GLRA3: variants seen among roughly 807,000 people sequenced by gnomAD.
GLRA3 encodes glycine receptor subunit alpha-3.
Under a neutral mutation model 60.4 loss-of-function variants are expected in GLRA3, and 44 were observed. That is an observed-to-expected ratio of 0.73 (90% CI 0.57 to 0.94). The LOEUF is 0.94. Among genes scored for constraint, GLRA3 ranks in the 40% least tolerant of loss-of-function variants. The probability of loss-of-function intolerance (pLI) is 0.00; values close to 1 mark genes in which losing one functional copy is unlikely to be tolerated. For synonymous variants in GLRA3, 223 were observed against 192.9 expected, an observed-to-expected ratio of 1.16 and a Z score of -1.29; for missense variants, 508 against 564.6, an observed-to-expected ratio of 0.90 and a Z score of 1.02.
At chr4:174,750,139 A>G (rs891930309) in intron 3 of GLRA3, among the ~76,000 whole-genome samples, 1 of 152,140 alleles carries the variant, frequency 6.6e-6, no homozygotes, top group African/African-American at 2.4e-5. Flanking sequence ...ATCCTAAGGA[A>G]GTGCTAGATT....
chr4:174,788,230 C>A (rs1387299233), intron 2 of GLRA3, among the ~76,000 whole-genome samples: 1 of 151,912 alleles, frequency 6.6e-6, no homozygotes, highest in African/African-American at 2.4e-5. Context: ...ATGTTACTTA[C>A]AACTATATTA....
At chr4:174,667,887 T>C (rs1462744424) in intron 7 of GLRA3, among the ~76,000 whole-genome samples, 2 of 152,112 alleles carry the variant, frequency 1.3e-5, no homozygotes, top group Non-Finnish European at 2.9e-5. Flanking sequence ...GATCCTGATA[T>C]GGTTTGGATC....
At chr4:174,793,453 T>TTTAG (rs1739441732) in intron 1 of GLRA3, among the ~76,000 whole-genome samples, 3 of 150,846 alleles carry the variant, frequency 2.0e-5, no homozygotes, top group African/African-American at 7.3e-5. Flanking sequence ...TATTTATTTA[T>TTTAG]TTATTTATTT....
chr4:174,651,406 T>A (rs1009992980), intron 9 of GLRA3, among the ~76,000 whole-genome samples: 6 of 152,198 alleles, frequency 3.9e-5, no homozygotes, highest in Non-Finnish European at 7.3e-5. Flanking sequence ...TCAGTTCTTT[T>A]AGGGTGAGAG....
intron 1 of GLRA3, among the ~76,000 whole-genome samples, chr4:174,813,637 T>C (rs1411041417): frequency 6.6e-6 from 1 of 152,244 alleles, no homozygotes; most frequent in African/African-American, 2.4e-5. Flanking sequence ...TATGCTGAAT[T>C]ATGAAATTAC....
intron 5 of GLRA3, among the ~76,000 whole-genome samples, chr4:174,687,590 T>G (rs980115453): frequency 6.6e-6 from 1 of 152,232 alleles, no homozygotes; most frequent in East Asian, 1.9e-4. Context: ...GAACTTGTCA[T>G]GTTAAGGGAA....
At chr4:174,749,701 G>C (rs1291926949) in intron 3 of GLRA3, among the ~76,000 whole-genome samples, 1 of 151,966 alleles carries the variant, frequency 6.6e-6, no homozygotes, top group Non-Finnish European at 1.5e-5. Flanking sequence ...CTCATATTAA[G>C]GCATGGTCAG....
intron 1 of GLRA3, among the ~76,000 whole-genome samples, chr4:174,820,503 A>T (rs115671178): frequency 0.016 from 2,407 of 152,274 alleles, 26 homozygotes; most frequent in Middle Eastern, 0.048. Context: ...TTTGAGCTAG[A>T]CAGAGAACTC....
intron 3 of GLRA3, among the ~76,000 whole-genome samples, chr4:174,749,177 G>C (rs377386095): frequency 7.9e-5 from 12 of 152,258 alleles, no homozygotes; most frequent in African/African-American, 2.9e-4. Flanking sequence ...GGAGCCAACT[G>C]TTCCAGTAGC....
At chr4:174,650,808 T>A (rs1417938868) in intron 9 of GLRA3, among the ~76,000 whole-genome samples, 1 of 152,188 alleles carries the variant, frequency 6.6e-6, no homozygotes, top group Non-Finnish European at 1.5e-5. Context: ...CTGAACCTCA[T>A]GACTCTCTTT....
chr4:174,781,509 A>G (rs1480903466), intron 2 of GLRA3, among the ~76,000 whole-genome samples: 20 of 139,554 alleles, frequency 1.4e-4, no homozygotes, highest in South Asian at 2.4e-4. Context: ...CCCTTCAAAA[A>G]ATTAATGAAT....
chr4:174,785,165 A>C lies in GLRA3; in HGVS notation c.199+3651T>G, dbSNP rs548224558. The stretch of plus-strand genomic sequence containing the variant: ...AAGAGGTGAGATTTTTTTAAAGTGT[A>C]CTTTTTAAAGAGAAATGACAAAACA... On this transcript the variant is annotated intron_variant, in intron 2 of 9. Transcript: ENST00000274093. 9.9e-5 allele frequency among the ~76,000 whole-genome samples: 15 copies of C among 152,264 alleles called. 1 individual carries two copies. The highest frequency in any genetic ancestry group is 2.9e-4 in the African/African-American group (12 of 41,578).
intron 1 of GLRA3, among the ~76,000 whole-genome samples, chr4:174,826,756 T>C (rs1421068609): frequency 2.0e-5 from 3 of 152,124 alleles, no homozygotes; most frequent in African/African-American, 7.2e-5. Flanking sequence ...CTTTCTTTTG[T>C]TTTCATCTTT....
At chr4:174,770,088 G>T (rs1738318002) in intron 2 of GLRA3, among the ~76,000 whole-genome samples, 1 of 152,074 alleles carries the variant, frequency 6.6e-6, no homozygotes, top group Admixed American at 6.6e-5. Flanking sequence ...TTGATTACTG[G>T]TTCATGATTT....
chr4:174,794,359 C>G (rs966011097), intron 1 of GLRA3, among the ~76,000 whole-genome samples: 1 of 152,106 alleles, frequency 6.6e-6, no homozygotes, highest in Non-Finnish European at 1.5e-5. Flanking sequence ...TTAAGTGCCA[C>G]GTGATGCTTG....
intron 5 of GLRA3, among the ~76,000 whole-genome samples, chr4:174,697,762 CAAT>C (rs148298212): frequency 0.16 from 24,981 of 152,092 alleles, 2,622 homozygotes; most frequent in South Asian, 0.28. Flanking sequence ...ACAAACACAA[CAAT>C]AACTTTGTTC....
chr4:174,702,326 A>G (rs191554840), intron 5 of GLRA3, among the ~76,000 whole-genome samples: 5 of 152,294 alleles, frequency 3.3e-5, no homozygotes, highest in Non-Finnish European at 1.5e-5. Context: ...TATGTACATT[A>G]TTTTTAGACA....
chr4:174,785,936 G>GTTTTT (rs752488665), intron 2 of GLRA3, among the ~76,000 whole-genome samples: 9 of 103,460 alleles, frequency 8.7e-5, no homozygotes, highest in East Asian at 6.8e-4. Flanking sequence ...TGCCTGGCTA[G>GTTTTT]TTTTTTTTTT....
intron 7 of GLRA3, among the ~76,000 whole-genome samples, chr4:174,669,088 AT>A (rs1001005889): frequency 1.3e-5 from 2 of 151,972 alleles, no homozygotes; most frequent in Non-Finnish European, 2.9e-5. Flanking sequence ...TGAGGTTTTA[AT>A]TTCAGATCTC....
Sources: allele counts gnomAD v4.1 joint callset (sites outside exome capture counted in the v4.1 genomes callset), GRCh38; gene constraint gnomAD v4.1.1; transcripts MANE v1.5; gene names NCBI Gene and HGNC (gene_info 2026-07-23, HGNC 2026-07-21).